INF2: variants seen among roughly 807,000 people sequenced by gnomAD.
INF2 encodes inverted formin 2.
A neutral mutation model predicts 123.5 loss-of-function variants in INF2; 43 were observed. The observed-to-expected ratio is 0.35, with a 90% CI of 0.27 to 0.45. The LOEUF (loss-of-function observed/expected upper bound fraction) is 0.45. Among genes scored for constraint, INF2 ranks in the 20% least tolerant of loss-of-function variants. The pLI, the probability that INF2 is intolerant of heterozygous loss-of-function variation, is 1.00. For synonymous variants in INF2, 851 were observed against 745.0 expected (o/e 1.14, Z -2.32); for missense variants, 1,453 against 1,682.7 (o/e 0.86, Z 2.39).
chr14:104,708,563 C>A lies in INF2; in HGVS notation c.1863C>A (p.Pro621=). ...CCAAGGAGCCCACCATGGTGGCCCC[C>A]CGGGCCAGGAAGGAGCCCAAGGAGG... ...AKPKEPTMVA[P]RARKEPKEIT... is the part of the protein sequence containing the mutation. The change falls in exon 9 of 23, where the codon CCC becomes CCA. Residue 621 remains proline (P), a synonymous_variant. Transcript: ENST00000392634. 6.2e-7 allele frequency: 1 copy of A among 1,612,274 alleles called. No individual in the cohort carries two copies. Among genetic ancestry groups the A allele is most frequent in the Non-Finnish European group, 8.5e-7 (1 of 1,179,766 alleles).
Position 104,714,424 on chromosome 14 carries a change from A to T in INF2, c.3262A>T (p.Thr1088Ser). Residue 1088 changes from threonine (T) to serine (S), a missense_variant, in exon 21 of 23, where the codon ACT becomes TCT. Thr to Ser is a moderately conservative substitution (Grantham distance 58). Coordinates refer to ENST00000392634, the MANE Select transcript of INF2 (RefSeq NM_022489.4). ...TGTGGATGCCAGCGATGTCCTAACC[A>T]CTGAGGATCCCCAGTGCCCCCAGCC... ...WYVDASDVLT[T>S]EDPQCPQPLE... The T allele has an allele frequency of 6.2e-7, 1 of 1,608,812 alleles. No homozygotes were observed. The highest frequency in any genetic ancestry group is 8.5e-7 in the Non-Finnish European group (1 of 1,178,044).
rs1889608918 is a variant in INF2 at position 104,703,193 on chromosome 14, G to A, written c.480G>A (p.Leu160=). The change falls in exon 3 of 23, where the codon CTG becomes CTA. Residue 160 remains leucine (L), a synonymous_variant. Coordinates refer to ENST00000392634, the MANE Select transcript of INF2 (RefSeq NM_022489.4). ...LCIYSPEGHV[L]TLDALDHYKT... is the part of the protein sequence containing the mutation. ...TCTACTCTCCCGAGGGCCACGTGCT[G>A]ACCCTGGACGCCCTGGACCACTACA... 3 of 1,613,352 alleles carry A rather than the reference G, an allele frequency of 1.9e-6. No homozygotes were observed. The African/African-American group carries it at 4.0e-5, about 22-fold the overall frequency.
chr14:104,689,131 G>C (rs1193123877), upstream of INF2: 1 of 881,540 alleles, frequency 1.1e-6, no homozygotes, highest in African/African-American at 1.8e-5. Flanking sequence ...TGGTTGATGG[G>C]TAGGCTCTCT....
chr14:104,687,479 T>C (rs75790704), upstream of INF2, among the ~76,000 whole-genome samples: 32 of 131,940 alleles, frequency 2.4e-4, no homozygotes, highest in East Asian at 2.0e-3. This position sits in a 1 kb window ranked among gnomAD's most constrained non-coding sequence, Gnocchi z 5.6. Flanking sequence ...CACACACACA[T>C]ACACACACAC....
chr14:104,709,633 G>A lies in INF2; in HGVS notation c.2066G>A (p.Arg689Gln), dbSNP rs746166885. The A allele has an allele frequency of 1.4e-5, 22 of 1,612,476 alleles. No homozygotes were observed. The highest frequency in any genetic ancestry group is 1.7e-5 in the Admixed American group (1 of 60,010). Residue 689 changes from arginine to glutamine, a missense_variant, in exon 12 of 23, where the codon CGG becomes CAG. By Grantham distance (43) the Arg-to-Gln change is conservative (BLOSUM62 1). Coordinates refer to ENST00000392634, the MANE Select transcript of INF2 (RefSeq NM_022489.4). The stretch of plus-strand genomic sequence containing the variant: ...TCCTCCTGGCAGATTGAAAACCTGC[G>A]GGCATTCACAGAGGAGCGAGCCAAG... ...LPEKHEIENLRAFTEERAKLA... is the reference protein window; with the variant it reads ...LPEKHEIENLQAFTEERAKLA...
chr14:104,716,554 G>C (rs80022508), intron 22 of INF2, among the ~76,000 whole-genome samples: 1 of 152,200 alleles, frequency 6.6e-6, no homozygotes, highest in East Asian at 1.9e-4. Flanking sequence ...AAAGATGGAC[G>C]TGTCCAGTGC....
At chr14:104,704,823 G>A (rs1435656353) in intron 5 of INF2, 1 of 152,230 alleles carries the variant, frequency 6.6e-6, no homozygotes, top group Non-Finnish European at 1.5e-5. Flanking sequence ...GGGTTGCCAG[G>A]TACTGTATGG....
In INF2 at chr14:104,707,887, C is replaced by T. The variant is rs1252000170; in HGVS notation, c.1620C>T (p.Ala540=). The T allele has an allele frequency of 6.2e-7, 1 of 1,605,878 alleles. No homozygotes were observed. ...VAGGMEEVIV[A]QVDHGLGSAW... ...GAGGCATGGAGGAGGTCATCGTGGC[C>T]CAGGTGGACCATGGCTTGGGCTCAG... The change falls in exon 8 of 23, where the codon GCC becomes GCT. Residue 540 remains alanine, a synonymous_variant. Coordinates refer to ENST00000392634, the MANE Select transcript of INF2 (RefSeq NM_022489.4).
intron 1 of INF2, among the ~76,000 whole-genome samples, chr14:104,683,714 T>C (rs1028626221): frequency 1.3e-5 from 2 of 150,850 alleles, no homozygotes; most frequent in Non-Finnish European, 2.9e-5. Flanking sequence ...CACAGTCCAG[T>C]GGCCAAAAAT....
At chr14:104,683,338 G>A (rs1486318413) in intron 1 of INF2, among the ~76,000 whole-genome samples, 2 of 152,210 alleles carry the variant, frequency 1.3e-5, no homozygotes, top group African/African-American at 4.8e-5. Context: ...GCCACTCCCT[G>A]CCTCCCACCG....
chr14:104,699,574 T>G lies in INF2; in HGVS notation c.-9-1783T>G, dbSNP rs1595160740. 1.0e-6 allele frequency: 1 copy of G among 984,672 alleles called. No individual in the cohort carries two copies. Among genetic ancestry groups the G allele is most frequent in the Non-Finnish European group, 1.2e-6 (1 of 829,738 alleles). 61.0% of individuals were successfully genotyped at this position (984,672 alleles called of 1,614,324 possible). ...AGGGCCCAGAGTGGGTGGGCAGAGG[T>G]GGCCGGAAGGTCTTGCGCATCTGGG... On this transcript the variant is annotated intron_variant, in intron 1 of 22. Coordinates refer to ENST00000392634, the MANE Select transcript of INF2 (RefSeq NM_022489.4). The surrounding 1 kb of genome is among the most constrained non-coding windows in gnomAD (Gnocchi z 4.7).
chr14:104,694,740 C>G (rs1047025770), intron 1 of INF2, among the ~76,000 whole-genome samples: 3 of 152,206 alleles, frequency 2.0e-5, no homozygotes, highest in African/African-American at 2.4e-5. Context: ...GCCTCTCCCC[C>G]ACTCTCAATC....
upstream of INF2, among the ~76,000 whole-genome samples, chr14:104,688,200 G>C (rs1203870537): frequency 6.6e-6 from 1 of 152,248 alleles, no homozygotes; most frequent in Non-Finnish European, 1.5e-5. Flanking sequence ...GCCTGCCTTG[G>C]CTGGCTCCTC....
intron 22 of INF2, 45 bp from the exon 23 acceptor site, chr14:104,718,750 C>G: frequency 6.2e-7 from 1 of 1,608,348 alleles, no homozygotes; most frequent in East Asian, 2.2e-5. Context: ...ATATTGTACC[C>G]AGCAAAACTG....
At chr14:104,697,107 C>T (rs1365967295) in intron 1 of INF2, among the ~76,000 whole-genome samples, 1 of 152,218 alleles carries the variant, frequency 6.6e-6, no homozygotes, top group East Asian at 1.9e-4. Context: ...CCAGGCAGAC[C>T]TCTCCCTTCC....
rs1418724600 is a variant in INF2, at chr14:104,682,191, C to T, written c.-104+609C>T. Among the ~76,000 whole-genome samples the T allele has an allele frequency of 2.6e-5, 4 of 152,126 alleles. No homozygotes were observed. In the South Asian group the frequency reaches 6.2e-4, roughly 24 times the overall value. On this transcript the variant is annotated intron_variant, in intron 1 of 2. Transcript: ENST00000674723. ...CTGCTATTCTACAGGAGAAAGGGAA[C>T]GCTGTGCCGGGCGCTCAGGAAGATG...
intron 6 of INF2, among the ~76,000 whole-genome samples, chr14:104,706,673 G>T (rs1170687298): frequency 1.3e-5 from 2 of 152,300 alleles, no homozygotes; most frequent in East Asian, 3.9e-4. Flanking sequence ...TGCCACGGCT[G>T]GGCAGGGGGT....
rs975205957 is a variant in INF2, at chr14:104,719,104, T to A, written c.*311T>A. 1.9e-4 allele frequency: 95 copies of A among 494,546 alleles called. No individual in the cohort carries two copies. The highest frequency in any genetic ancestry group is 2.8e-4 in the Non-Finnish European group (81 of 284,352). 30.6% of individuals were successfully genotyped at this position (494,546 alleles called of 1,614,324 possible). On this transcript the variant is annotated 3_prime_UTR_variant, in exon 23 of 23. Transcript: ENST00000392634. Reference sequence around the variant, plus strand: ...CCCGGTGCAGCCTGCCAAGGGCCAGTCGGGGGGTGCTGCGTCCTGCCAGTG... The same window carrying A: ...CCCGGTGCAGCCTGCCAAGGGCCAGACGGGGGGTGCTGCGTCCTGCCAGTG...
At chr14:104,715,566 G>A (rs1438842558) in intron 22 of INF2, among the ~76,000 whole-genome samples, 3 of 152,202 alleles carry the variant, frequency 2.0e-5, no homozygotes, top group Admixed American at 6.5e-5. Flanking sequence ...CAGGCAGGAC[G>A]CAACCTCAGT....
Sources: allele counts gnomAD v4.1 joint callset (sites outside exome capture counted in the v4.1 genomes callset), GRCh38; gene constraint gnomAD v4.1.1; non-coding constraint Gnocchi (gnomAD v3.1); transcripts MANE v1.5; gene names NCBI Gene and HGNC (gene_info 2026-07-23, HGNC 2026-07-21).